The following CFAP20DC variants were observed in gnomAD, a reference collection of about 807,000 sequenced individuals.
CFAP20DC encodes the protein protein CFAP20DC.
A neutral mutation model predicts 101.7 loss-of-function variants in CFAP20DC; 84 were observed. The observed-to-expected ratio is 0.83, with a 90% CI of 0.69 to 0.99. The LOEUF (loss-of-function observed/expected upper bound fraction) is 0.99. CFAP20DC is among the 50% of genes least tolerant of loss of function. CFAP20DC has a pLI of 0.00. For missense variants in CFAP20DC, 1,007 were observed against 970.3 expected (o/e 1.04, Z -0.50); for synonymous variants, 359 against 351.2 (o/e 1.02, Z -0.25).
At chr3:58,770,612 C>T (rs2070757341) in intron 15 of CFAP20DC, among the ~76,000 whole-genome samples, 1 of 152,154 alleles carries the variant, frequency 6.6e-6, no homozygotes, top group African/African-American at 2.4e-5. Context: ...GCATGAAGTA[C>T]AGTAGAAAGG....
Position 58,751,840 on chromosome 3 carries a change from A to AACACACAC in CFAP20DC, c.2332+1921_2332+1928dup, listed in dbSNP as rs58961774. ...TTTGTGTCTCAGTTTCCTCAGCTGT[A>AACACACAC]ACACACACACACACACACACACACA... On this transcript the variant is annotated intron_variant, in intron 16 of 16. Transcript: ENST00000482387. Among the ~76,000 whole-genome samples the AACACACAC allele has an allele frequency of 3.5e-3, 491 of 140,730 alleles. 3 individuals are homozygous for AACACACAC. The highest frequency in any genetic ancestry group is 0.013 in the African/African-American group (460 of 35,302). 92.3% of individuals were successfully genotyped at this position (140,730 alleles called of 152,430 possible).
intron 5 of CFAP20DC, among the ~76,000 whole-genome samples, chr3:58,931,537 C>G (rs938674185): frequency 6.6e-6 from 1 of 152,320 alleles, no homozygotes; most frequent in East Asian, 1.9e-4. Flanking sequence ...TAGGGGCAGA[C>G]TGACACTTCA....
intron 12 of CFAP20DC, among the ~76,000 whole-genome samples, chr3:58,853,332 G>A (rs1205571806): frequency 6.8e-6 from 1 of 147,666 alleles, no homozygotes; most frequent in Non-Finnish European, 1.5e-5. Flanking sequence ...TGAAATTGTG[G>A]CAATAATCAA....
intron 4 of CFAP20DC, among the ~76,000 whole-genome samples, chr3:58,951,859 TA>T (rs1253022059): frequency 2.0e-5 from 3 of 152,148 alleles, no homozygotes; most frequent in Non-Finnish European, 4.4e-5. Context: ...TATACATATG[TA>T]ACAAACCTGC....
intron 16 of CFAP20DC, among the ~76,000 whole-genome samples, chr3:58,747,776 C>G (rs969628704): frequency 6.6e-6 from 1 of 152,124 alleles, no homozygotes; most frequent in African/African-American, 2.4e-5. Context: ...ACATATCTCA[C>G]AGTAGGGCAA....
At chr3:58,770,626 G>A (rs2107491168) in intron 15 of CFAP20DC, among the ~76,000 whole-genome samples, 1 of 152,324 alleles carries the variant, frequency 6.6e-6, no homozygotes, top group African/African-American at 2.4e-5. Flanking sequence ...AGAAAGGTGT[G>A]AGAGAGACCT....
At chr3:58,996,050 A>G (rs1385423882) in intron 4 of CFAP20DC, among the ~76,000 whole-genome samples, 1 of 149,970 alleles carries the variant, frequency 6.7e-6, no homozygotes, top group African/African-American at 2.5e-5. Flanking sequence ...TGGAGAGCCC[A>G]GATTAATATA....
chr3:58,805,829 A>G (rs893299702), intron 15 of CFAP20DC, among the ~76,000 whole-genome samples: 3 of 152,212 alleles, frequency 2.0e-5, no homozygotes, highest in Admixed American at 6.5e-5. Flanking sequence ...GTTTTTCCTT[A>G]GTGACAAATG....
chr3:58,806,592 G>A, intron 14 of CFAP20DC, 136 bp from the exon 15 acceptor site: 2 of 691,124 alleles, frequency 2.9e-6, no homozygotes, highest in Non-Finnish European at 5.3e-6. Context: ...GGGCAGCCAA[G>A]ACGGCCGAAT....
intron 4 of CFAP20DC, among the ~76,000 whole-genome samples, chr3:59,026,574 A>C (rs1390955293): frequency 6.6e-6 from 1 of 152,190 alleles, no homozygotes; most frequent in African/African-American, 2.4e-5. Flanking sequence ...TCGTGACCTA[A>C]AGATATCAAA....
At chr3:58,961,455 G>A (rs1393854722) in intron 4 of CFAP20DC, among the ~76,000 whole-genome samples, 1 of 152,122 alleles carries the variant, frequency 6.6e-6, no homozygotes, top group African/African-American at 2.4e-5. Flanking sequence ...TTGGGAGGCT[G>A]AGGCAGGTGA....
intron 6 of CFAP20DC, among the ~76,000 whole-genome samples, chr3:58,893,637 T>C (rs2082432199): frequency 6.6e-6 from 1 of 152,218 alleles, no homozygotes; most frequent in African/African-American, 2.4e-5. Context: ...GGTATCAGGA[T>C]GATGGCCTCA....
chr3:58,931,438 G>A (rs1391324929), intron 5 of CFAP20DC, among the ~76,000 whole-genome samples: 1 of 152,222 alleles, frequency 6.6e-6, no homozygotes, highest in African/African-American at 2.4e-5. Flanking sequence ...CCAGCACACA[G>A]CTGGAGATCT....
Position 58,731,622 on chromosome 3 carries a change from G to A in CFAP20DC, c.198-13994C>T, listed in dbSNP as rs527359538. ...CTTTCATTAAATTCATAGGTAATAAGAAGAATGCTGCTAATATGCAAAAAT... is the reference window on the plus strand; with the variant it reads ...CTTTCATTAAATTCATAGGTAATAAAAAGAATGCTGCTAATATGCAAAAAT... On this transcript the variant is annotated intron_variant, in intron 3 of 3. Coordinates refer to the CFAP20DC transcript ENST00000486145. 5.9e-5 allele frequency among the ~76,000 whole-genome samples: 9 copies of A among 152,338 alleles called. No individual in the cohort carries two copies. The East Asian group carries it at 1.5e-3, about 26-fold the overall frequency.
chr3:58,967,780 G>T (rs1375885005), intron 4 of CFAP20DC, among the ~76,000 whole-genome samples: 1 of 152,112 alleles, frequency 6.6e-6, no homozygotes, highest in Non-Finnish European at 1.5e-5. Context: ...TGTCATGGGG[G>T]TTTGTTGTAC....
intron 4 of CFAP20DC, chr3:58,953,854 C>T (rs2090380578): frequency 6.6e-6 from 1 of 152,132 alleles, no homozygotes; most frequent in Non-Finnish European, 1.5e-5. Flanking sequence ...GTAACACTAG[C>T]ATTACTCCTC....
At chr3:58,888,204 A>C (rs2081825131) in intron 6 of CFAP20DC, among the ~76,000 whole-genome samples, 1 of 152,222 alleles carries the variant, frequency 6.6e-6, no homozygotes, top group Non-Finnish European at 1.5e-5. Context: ...CTTCATTGTG[A>C]GTTCACAGAA....
chr3:58,991,978 T>G (rs1319157913), intron 4 of CFAP20DC, among the ~76,000 whole-genome samples: 3 of 152,222 alleles, frequency 2.0e-5, no homozygotes. Flanking sequence ...TTACTGCTGC[T>G]AAACACATAG....
At chr3:58,809,023 AAT>A in intron 14 of CFAP20DC, among the ~76,000 whole-genome samples, 1 of 152,064 alleles carries the variant, frequency 6.6e-6, no homozygotes, top group East Asian at 1.9e-4. Context: ...AACTATCCTA[AAT>A]ATATATGCAC....
Sources: allele counts gnomAD v4.1 joint callset (sites outside exome capture counted in the v4.1 genomes callset), GRCh38; gene constraint gnomAD v4.1.1; transcripts MANE v1.5; gene names NCBI Gene and HGNC (gene_info 2026-07-23, HGNC 2026-07-21).